DDI1: variants seen among roughly 807,000 people sequenced by gnomAD.
The protein encoded by DDI1 is protein DDI1 homolog 1.
DDI1 carries 6 observed loss-of-function variants against 7.2 expected under a neutral mutation model. That is an observed-to-expected ratio of 0.83 (90% confidence interval 0.46 to 1.64). The LOEUF is 1.64. Ranked by LOEUF, DDI1 falls within the 40% of genes most tolerant of loss-of-function variation. The pLI is 0.01. For synonymous variants in DDI1, 221 were observed against 201.7 expected (o/e 1.10, Z -0.81); for missense variants, 502 against 516.6 (o/e 0.97, Z 0.27).
Position 104,037,473 on chromosome 11 carries a change from A to C in DDI1, c.651A>C (p.Glu217Asp). The change falls in exon 1 of 1, where the codon GAA becomes GAC. Residue 217 changes from glutamate (E) to aspartate (D), a missense_variant. Coordinates refer to ENST00000302259, the MANE Select transcript of DDI1 (RefSeq NM_001001711.3). ...AAGCTCAGGCCAAAATAGAAGAGGA[A>C]ATCCGGCAGCAAAACATTGAAGAAA... ...DREAQAKIEE[E>D]IRQQNIEENM... 1 of 1,614,132 alleles carries C rather than the reference A, an allele frequency of 6.2e-7. No individual in the cohort carries two copies. Among genetic ancestry groups the C allele is most frequent in the South Asian group, 1.1e-5 (1 of 91,084 alleles).
chr11:104,037,957 T>A lies in DDI1; in HGVS notation c.1135T>A (p.Ser379Thr). 3 of 1,613,990 alleles carry A rather than the reference T, an allele frequency of 1.9e-6. No homozygotes were observed. The highest frequency in any genetic ancestry group is 1.7e-6 in the Non-Finnish European group (2 of 1,179,972). The change falls in exon 1 of 1, where the codon TCT becomes ACT. Residue 379 changes from serine (S) to threonine (T), a missense_variant. Ser to Thr is a moderately conservative substitution (Grantham distance 58). Transcript: ENST00000302259. ...TAGGATGGTAAGTGGGCAAGATGAG[T>A]CTTCGGACAAGGAAATTACACATTC... ...CSRMVSGQDESSDKEITHSVM... is the reference protein window; with the variant it reads ...CSRMVSGQDETSDKEITHSVM...
Position 104,038,338 on chromosome 11 carries a change from A to T in DDI1, c.*325A>T, listed in dbSNP as rs1053952329. ...ATCAGATTACAGGTGGCTTATCCAA[A>T]TCATTGCTATTTTGCAGAATTCCCT... On this transcript the variant is annotated 3_prime_UTR_variant, in exon 1 of 1. Transcript: ENST00000302259. 4.1e-6 allele frequency: 1 copy of T among 244,864 alleles called. No homozygotes were observed. Among genetic ancestry groups the T allele is most frequent in the Non-Finnish European group, 8.6e-6 (1 of 116,392 alleles). The allele number at this position is 244,864 out of a possible 1,614,324, so 15.2% of individuals were successfully genotyped here.
At position 104,037,209 on chromosome 11, in the gene DDI1, G is replaced by A. The variant is rs774253494; in HGVS notation, c.387G>A (p.Ala129=). ...TPAAQRSQGL[A]SGEKVAGLQG... Reference sequence around the variant, plus strand: ...CTGCCCAGCGGTCACAGGGCTTGGCGTCAGGAGAGAAGGTGGCCGGCCTGC... The same window carrying A: ...CTGCCCAGCGGTCACAGGGCTTGGCATCAGGAGAGAAGGTGGCCGGCCTGC... Residue 129 remains alanine (A), a synonymous_variant, in exon 1 of 1, where the codon GCG becomes GCA. Coordinates refer to ENST00000302259, the MANE Select transcript of DDI1 (RefSeq NM_001001711.3). The A allele has an allele frequency of 7.4e-6, 12 of 1,613,604 alleles. No homozygotes were observed. The highest frequency in any genetic ancestry group is 1.3e-5 in the African/African-American group (1 of 74,944).
Position 104,036,954 on chromosome 11 carries a change from G to C in DDI1, c.132G>C (p.Glu44Asp). The C allele has an allele frequency of 6.2e-7, 1 of 1,614,228 alleles. No individual in the cohort carries two copies. The highest frequency in any genetic ancestry group is 2.2e-5 in the East Asian group (1 of 44,882). ...CEAESRVPVEEIQIIHMERLL... is the reference protein window; with the variant it reads ...CEAESRVPVEDIQIIHMERLL... ...CGGAGTCCAGAGTCCCCGTCGAAGA[G>C]ATCCAGATCATCCACATGGAGCGAC... The change falls in exon 1 of 1, where the codon GAG becomes GAC. Residue 44 changes from glutamate (E) to aspartate (D), a missense_variant. Glu to Asp is a conservative substitution (Grantham distance 45). Transcript: ENST00000302259.
rs1053008846 is a variant in DDI1 at position 104,037,029 on chromosome 11, C to T, written c.207C>T (p.Gly69=). The change falls in exon 1 of 1, where the codon GGC becomes GGT. Residue 69 remains glycine, a synonymous_variant. Transcript: ENST00000302259. ...CSLGSYGLKD[G]DIVVLLQKDN... is the part of the protein sequence containing the mutation. ...TGGGCTCCTACGGCCTCAAAGATGG[C>T]GATATCGTGGTTTTACTGCAGAAGG... The T allele has an allele frequency of 1.4e-5, 23 of 1,614,176 alleles. No individual in the cohort carries two copies. Among genetic ancestry groups the T allele is most frequent in the Non-Finnish European group, 1.9e-5 (22 of 1,180,032 alleles).
Position 104,037,027 on chromosome 11 carries a change from G to A in DDI1, c.205G>A (p.Gly69Ser), listed in dbSNP as rs1000987835. The change falls in exon 1 of 1, where the codon GGC (glycine) becomes AGC (serine). Residue 69 changes from glycine to serine, a missense_variant. By Grantham distance (56) the Gly-to-Ser change is moderately conservative. Transcript: ENST00000302259. ...CSLGSYGLKD[G>S]DIVVLLQKDN... is the part of the protein sequence containing the mutation. ...CCTGGGCTCCTACGGCCTCAAAGAT[G>A]GCGATATCGTGGTTTTACTGCAGAA... 2 of 1,614,112 alleles carry A rather than the reference G, an allele frequency of 1.2e-6. No individual in the cohort carries two copies. The highest frequency in any genetic ancestry group is 1.7e-6 in the Non-Finnish European group (2 of 1,180,052).
At position 104,037,406 on chromosome 11, in the gene DDI1, A is replaced by C. The variant is rs200629622; in HGVS notation, c.584A>C (p.Gln195Pro). 14 of 1,614,120 alleles carry C rather than the reference A, an allele frequency of 8.7e-6. No homozygotes were observed. The East Asian group carries it at 2.9e-4, about 33-fold the overall frequency. ...CAAAGGGAAAAGGCCTTGAGAGAGCAAGAGAGGCTTCGTCTCTACACAGCC... is the reference window on the plus strand; with the variant it reads ...CAAAGGGAAAAGGCCTTGAGAGAGCCAGAGAGGCTTCGTCTCTACACAGCC... ...EQQREKALRE[Q>P]ERLRLYTADP... The change falls in exon 1 of 1, where the codon CAA becomes CCA. Residue 195 changes from glutamine to proline, a missense_variant. Gln to Pro is a moderately conservative substitution (Grantham distance 76). Coordinates refer to ENST00000302259, the MANE Select transcript of DDI1 (RefSeq NM_001001711.3).
rs541398093 is a variant in DDI1 at position 104,038,107 on chromosome 11, A to G, written c.*94A>G. 2 of 1,284,752 alleles carry G rather than the reference A, an allele frequency of 1.6e-6. No individual in the cohort carries two copies. The highest frequency in any genetic ancestry group is 1.5e-5 in the African/African-American group (1 of 67,200). The allele number at this position is 1,284,752 out of a possible 1,614,324, so 79.6% of individuals were successfully genotyped here. On this transcript the variant is annotated 3_prime_UTR_variant, in exon 1 of 1. Transcript: ENST00000302259. ...ACTGGCAATGTAATCATTAAAAAAC[A>G]TCAGTAACAACTAAACCTGGCCTTG...
rs749439680 is a variant in DDI1, at chr11:104,036,799, G to A, written c.-24G>A. ...AGTGAGCCGCCCATGCCCTCTGCTA[G>A]CCCGGCCCGCCCGGGCCCCCGCCAT... On this transcript the variant is annotated 5_prime_UTR_variant, in exon 1 of 1. Transcript: ENST00000302259. 1.3e-6 allele frequency: 2 copies of A among 1,596,402 alleles called. No individual in the cohort carries two copies. The highest frequency in any genetic ancestry group is 2.7e-5 in the African/African-American group (2 of 74,464).
At position 104,039,001 on chromosome 11, in the gene DDI1, A is replaced by G. The variant is rs933812466; in HGVS notation, c.*988A>G. 2.2e-4 allele frequency: 36 copies of G among 167,096 alleles called. No individual in the cohort carries two copies. The highest frequency in any genetic ancestry group is 8.2e-4 in the African/African-American group (34 of 41,466). The allele number at this position is 167,096 out of a possible 1,614,324, so 10.4% of individuals were successfully genotyped here. ...TGAGAAGATCTCTAAGGCCTCATTC[A>G]GAATTATCCATTCTGACAATGTTAG... On this transcript the variant is annotated 3_prime_UTR_variant, in exon 1 of 1. Coordinates refer to ENST00000302259, the MANE Select transcript of DDI1 (RefSeq NM_001001711.3).
Position 104,037,296 on chromosome 11 carries a change from C to G in DDI1, c.474C>G (p.Ser158=). The change falls in exon 1 of 1, where the codon TCC becomes TCG. Residue 158 remains serine (S), a synonymous_variant. Transcript: ENST00000302259. The part of the protein sequence containing the change: ...SMLLSNPHDL[S]LLKERNPPLA... ...TGCTCTCCAACCCCCACGATCTGTC[C>G]CTGCTCAAGGAACGCAACCCTCCCT... 1 of 1,613,412 alleles carries G rather than the reference C, an allele frequency of 6.2e-7. No individual in the cohort carries two copies. The highest frequency in any genetic ancestry group is 8.5e-7 in the Non-Finnish European group (1 of 1,179,452).
In DDI1 at chr11:104,037,030, G is replaced by C. The variant is rs755145908; in HGVS notation, c.208G>C (p.Asp70His). 1 of 1,614,224 alleles carries C rather than the reference G, an allele frequency of 6.2e-7. No homozygotes were observed. Among genetic ancestry groups the C allele is most frequent in the Non-Finnish European group, 8.5e-7 (1 of 1,180,038 alleles). Residue 70 changes from aspartate (D) to histidine (H), a missense_variant, in exon 1 of 1, where the codon GAT (aspartate) becomes CAT (histidine). Asp to His is a moderately conservative substitution (Grantham distance 81). Coordinates refer to ENST00000302259, the MANE Select transcript of DDI1 (RefSeq NM_001001711.3). The stretch of plus-strand genomic sequence containing the variant: ...GGGCTCCTACGGCCTCAAAGATGGC[G>C]ATATCGTGGTTTTACTGCAGAAGGA... ...SLGSYGLKDG[D>H]IVVLLQKDNV... is the part of the protein sequence containing the mutation.
In DDI1 at chr11:104,039,026, G is replaced by C. The variant is rs75141026; in HGVS notation, c.*1013G>C. The C allele has an allele frequency of 0.016, 2,650 of 167,154 alleles. 87 individuals carry two copies. The highest frequency in any genetic ancestry group is 0.14 in the East Asian group (739 of 5,186). The allele number at this position is 167,154 out of a possible 1,614,324, so 10.4% of individuals were successfully genotyped here. A position where few individuals can be genotyped will look rare whatever the true frequency, so the allele number is the denominator to read the frequency against. ...AGAATTATCCATTCTGACAATGTTA[G>C]TGTTTATTACAACTGACAGTGGGTA... On this transcript the variant is annotated 3_prime_UTR_variant, in exon 1 of 1. Transcript: ENST00000302259.
In DDI1 at chr11:104,038,139, C is replaced by T. The variant is rs1449499588; in HGVS notation, c.*126C>T. On this transcript the variant is annotated 3_prime_UTR_variant, in exon 1 of 1. Coordinates refer to ENST00000302259, the MANE Select transcript of DDI1 (RefSeq NM_001001711.3). The stretch of plus-strand genomic sequence containing the variant: ...ACAACTAAACCTGGCCTTGGGACTA[C>T]GTTCTCAGATGGGTAACTAACGTCA... 24 of 942,894 alleles carry T rather than the reference C, an allele frequency of 2.5e-5. No individual in the cohort carries two copies. Among genetic ancestry groups the T allele is most frequent in the Admixed American group, 8.6e-5 (3 of 34,900 alleles). 58.4% of individuals were successfully genotyped at this position (942,894 alleles called of 1,614,324 possible).
Position 104,037,494 on chromosome 11 carries a change from A to G in DDI1, c.672A>G (p.Glu224=). 1 of 1,614,178 alleles carries G rather than the reference A, an allele frequency of 6.2e-7. No homozygotes were observed. Among genetic ancestry groups the G allele is most frequent in the Non-Finnish European group, 8.5e-7 (1 of 1,180,050 alleles). ...IEEEIRQQNI[E]ENMNIAIEEA... Reference sequence around the variant, plus strand: ...AGGAAATCCGGCAGCAAAACATTGAAGAAAACATGAATATAGCGATAGAAG... The same window carrying G: ...AGGAAATCCGGCAGCAAAACATTGAGGAAAACATGAATATAGCGATAGAAG... The change falls in exon 1 of 1, where the codon GAA becomes GAG. Residue 224 remains glutamate, a synonymous_variant. Transcript: ENST00000302259.
chr11:104,037,105 G>C lies in DDI1; in HGVS notation c.283G>C (p.Asp95His), dbSNP rs1475330757. The C allele has an allele frequency of 6.2e-7, 1 of 1,614,178 alleles. No homozygotes were observed. The highest frequency in any genetic ancestry group is 1.7e-5 in the Admixed American group (1 of 60,032). Residue 95 changes from aspartate (D) to histidine (H), a missense_variant, in exon 1 of 1, where the codon GAC becomes CAC. By Grantham distance (81) the Asp-to-His change is moderately conservative (BLOSUM62 -1). Coordinates refer to ENST00000302259, the MANE Select transcript of DDI1 (RefSeq NM_001001711.3). ...PGRAPNQPRV[D>H]FSGIAVPGTS... ...GCGTGCCCCGAACCAGCCTCGTGTA[G>C]ACTTCAGTGGCATTGCGGTGCCTGG...
At position 104,037,721 on chromosome 11, in the gene DDI1, G is replaced by A. The variant is rs944100874; in HGVS notation, c.899G>A (p.Gly300Asp). ...AKGVGTQRII[G>D]RVHLAQIQIE... is the part of the protein sequence containing the mutation. ...GGAGTGGGCACACAGAGAATTATTG[G>A]CCGTGTTCATCTAGCTCAGATTCAA... Residue 300 changes from glycine to aspartate, a missense_variant, in exon 1 of 1, where the codon GGC becomes GAC. Transcript: ENST00000302259. The A allele has an allele frequency of 6.2e-7, 1 of 1,614,086 alleles. No individual in the cohort carries two copies. The highest frequency in any genetic ancestry group is 8.5e-7 in the Non-Finnish European group (1 of 1,180,040).
In DDI1 at chr11:104,037,216, GAGA is replaced by G; in HGVS notation, c.397_399del (p.Lys133del). On this transcript the variant is annotated inframe_deletion, in exon 1 of 1. Coordinates refer to ENST00000302259, the MANE Select transcript of DDI1 (RefSeq NM_001001711.3). ...GCGGTCACAGGGCTTGGCGTCAGGAGAGAAGGTGGCCGGCCTGCAAGGTCTGGG... is the reference window on the plus strand; with the variant it reads ...GCGGTCACAGGGCTTGGCGTCAGGAGAGGTGGCCGGCCTGCAAGGTCTGGG... 1.2e-6 allele frequency: 2 copies of G among 1,613,718 alleles called. No homozygotes were observed. The highest frequency in any genetic ancestry group is 2.2e-5 in the South Asian group (2 of 91,066).
Position 104,037,612 on chromosome 11 carries a change from C to T in DDI1, c.790C>T (p.Gln264Ter), listed in dbSNP as rs746228101. Residue 264 changes from glutamine to a stop codon, truncating the protein, a stop_gained, in exon 1 of 1, where the codon CAG becomes TAG. Transcript: ENST00000302259. LOFTEE classifies it high-confidence loss of function. ...PLKAFVDSGA[Q>*]MTIMSQACAE... Reference sequence around the variant, plus strand: ...GAAGGCTTTTGTTGACTCGGGCGCCCAGATGACCATTATGAGCCAGGCTTG... The same window carrying T: ...GAAGGCTTTTGTTGACTCGGGCGCCTAGATGACCATTATGAGCCAGGCTTG... 4 of 1,614,004 alleles carry T rather than the reference C, an allele frequency of 2.5e-6. No individual in the cohort carries two copies. The African/African-American group carries it at 5.3e-5, about 22-fold the overall frequency.
Sources: allele counts gnomAD v4.1 joint callset, GRCh38; gene constraint gnomAD v4.1.1; transcripts MANE v1.5; gene names NCBI Gene and HGNC (gene_info 2026-07-23, HGNC 2026-07-21).